Variants in SEMA5A observed in about 807,000 individuals in gnomAD.
SEMA5A encodes the protein semaphorin 5A.
A neutral mutation model predicts 135.5 loss-of-function variants in SEMA5A; 55 were observed. That is an observed-to-expected ratio of 0.41 (90% CI 0.33 to 0.51). The LOEUF is 0.51. SEMA5A is among the 20% of genes least tolerant of loss of function. SEMA5A has a pLI of 0.37. For missense variants in SEMA5A, 1,290 were observed against 1,419.9 expected, an observed-to-expected ratio of 0.91 and a Z score of 1.47; for synonymous variants, 580 against 546.5, an observed-to-expected ratio of 1.06 and a Z score of -0.85.
intron 13 of SEMA5A, among the ~76,000 whole-genome samples, chr5:9,126,166 C>T (rs1010403970): frequency 1.3e-5 from 2 of 152,110 alleles, no homozygotes; most frequent in African/African-American, 4.8e-5. Flanking sequence ...AGTTAAGAAA[C>T]CTTCTAGGGC....
intron 8 of SEMA5A, among the ~76,000 whole-genome samples, chr5:9,222,482 G>A (rs149619151): frequency 2.0e-5 from 3 of 152,244 alleles, no homozygotes; most frequent in African/African-American, 7.2e-5. Flanking sequence ...GAAGGAGTGT[G>A]GGGGAGGGCG....
At chr5:9,263,276 GT>G (rs1206051130) in intron 5 of SEMA5A, among the ~76,000 whole-genome samples, 13 of 152,266 alleles carry the variant, frequency 8.5e-5, no homozygotes, top group Non-Finnish European at 1.8e-4. Context: ...ACTGGTCCTG[GT>G]CCATGGCCTG....
At chr5:9,149,217 A>C (rs1742500172) in intron 12 of SEMA5A, among the ~76,000 whole-genome samples, 1 of 152,210 alleles carries the variant, frequency 6.6e-6, no homozygotes, top group African/African-American at 2.4e-5. Context: ...TCACACTGCA[A>C]GGGAAGAGCT....
rs1443058763 is a variant in SEMA5A, at chr5:9,545,408, C to T, written c.-175+176G>A. On this transcript the variant is annotated intron_variant, in intron 1 of 22. Coordinates refer to ENST00000382496, the MANE Select transcript of SEMA5A (RefSeq NM_003966.3). This position sits in a 1 kb window ranked among gnomAD's most constrained non-coding sequence, Gnocchi z 4.5. The stretch of plus-strand genomic sequence containing the variant: ...GGGCGCCCCCGGACTGACGGTCGTC[C>T]TAATCCTGTACGCGCAACCCCCGCC... Among the ~76,000 whole-genome samples the T allele has an allele frequency of 6.6e-6, 1 of 152,112 alleles. No individual in the cohort carries two copies. Among genetic ancestry groups the T allele is most frequent in the Non-Finnish European group, 1.5e-5 (1 of 68,008 alleles).
At chr5:9,224,414 A>AC (rs397768336) in intron 8 of SEMA5A, among the ~76,000 whole-genome samples, 8 of 151,624 alleles carry the variant, frequency 5.3e-5, no homozygotes, top group Non-Finnish European at 1.0e-4. Flanking sequence ...ATAAAAAAAA[A>AC]CAGCAAGTTT....
intron 2 of SEMA5A, among the ~76,000 whole-genome samples, chr5:9,420,942 G>C (rs570679056): frequency 6.6e-6 from 1 of 152,212 alleles, no homozygotes; most frequent in African/African-American, 2.4e-5. Context: ...CTTGAACCCC[G>C]GAGGGGTAGG....
At chr5:9,479,725 T>C (rs111662508) in intron 1 of SEMA5A, among the ~76,000 whole-genome samples, 5 of 152,196 alleles carry the variant, frequency 3.3e-5, no homozygotes, top group African/African-American at 1.2e-4. Flanking sequence ...GGGAAATCTT[T>C]GCTATTTCCC....
At chr5:9,257,960 C>T (rs1242127296) in intron 5 of SEMA5A, among the ~76,000 whole-genome samples, 1 of 152,106 alleles carries the variant, frequency 6.6e-6, no homozygotes, top group East Asian at 1.9e-4. Flanking sequence ...TTGTTTCCTT[C>T]CTTCGAGGCT....
At chr5:9,238,294 A>T (rs1197087614) in intron 5 of SEMA5A, among the ~76,000 whole-genome samples, 7 of 152,212 alleles carry the variant, frequency 4.6e-5, no homozygotes, top group Non-Finnish European at 5.9e-5. Context: ...TAACATTTTT[A>T]TTTTATTCAA....
chr5:9,115,595 T>C (rs971330461), intron 15 of SEMA5A, among the ~76,000 whole-genome samples: 3 of 152,204 alleles, frequency 2.0e-5, no homozygotes, highest in African/African-American at 7.2e-5. Flanking sequence ...AGACAGCCTC[T>C]TCCACATGTG....
chr5:9,304,601 A>C (rs1751772597), intron 5 of SEMA5A, among the ~76,000 whole-genome samples: 3 of 152,162 alleles, frequency 2.0e-5, no homozygotes, highest in Admixed American at 2.0e-4. Flanking sequence ...TGGTTTATTT[A>C]TGTATTTTTC....
At chr5:9,265,954 T>A (rs1749664054) in intron 5 of SEMA5A, among the ~76,000 whole-genome samples, 1 of 152,174 alleles carries the variant, frequency 6.6e-6, no homozygotes, top group African/African-American at 2.4e-5. Context: ...ATTGCTACAT[T>A]TCAACATTCC....
chr5:9,434,795 C>T (rs756991635), intron 2 of SEMA5A, among the ~76,000 whole-genome samples: 24 of 152,126 alleles, frequency 1.6e-4, no homozygotes, highest in Non-Finnish European at 3.2e-4. Flanking sequence ...ACCTAGGGGC[C>T]AGTGCTCCTT....
At chr5:9,516,197 C>T (rs1172285439) in intron 1 of SEMA5A, among the ~76,000 whole-genome samples, 4 of 152,128 alleles carry the variant, frequency 2.6e-5, no homozygotes, top group African/African-American at 9.7e-5. Flanking sequence ...GACACACTCA[C>T]ATGACATACA....
intron 2 of SEMA5A, among the ~76,000 whole-genome samples, chr5:9,380,723 A>G (rs1755563092): frequency 6.6e-6 from 1 of 152,268 alleles, no homozygotes; most frequent in African/African-American, 2.4e-5. Flanking sequence ...TAAATGATTA[A>G]CAAGCATTAA....
chr5:9,409,768 G>C (rs542990970), intron 2 of SEMA5A, among the ~76,000 whole-genome samples: 2 of 152,150 alleles, frequency 1.3e-5, no homozygotes, highest in African/African-American at 2.4e-5. Context: ...GCATTAGATC[G>C]GGGGGCTGTG....
At chr5:9,046,618 T>C (rs957800706) in intron 21 of SEMA5A, among the ~76,000 whole-genome samples, 5 of 152,176 alleles carry the variant, frequency 3.3e-5, no homozygotes, top group African/African-American at 9.7e-5. Flanking sequence ...AAGCTGAACC[T>C]ACAGTCAGGA....
Position 9,164,124 on chromosome 5 carries a change from T to G in SEMA5A, c.1274-9429A>C, listed in dbSNP as rs1375791273. ...AAATATTTATATAATTATAAATATATCATATAAATATTTATATAATTATAA... is the reference window on the plus strand; with the variant it reads ...AAATATTTATATAATTATAAATATAGCATATAAATATTTATATAATTATAA... On this transcript the variant is annotated intron_variant, in intron 11 of 22. Coordinates refer to ENST00000382496, the MANE Select transcript of SEMA5A (RefSeq NM_003966.3). 6.2e-5 allele frequency among the ~76,000 whole-genome samples: 7 copies of G among 112,512 alleles called. No homozygotes were observed. In the South Asian group the frequency reaches 1.8e-3, roughly 29 times the overall value. The allele number at this position is 112,512 out of a possible 152,430, so 73.8% of individuals were successfully genotyped here.
intron 5 of SEMA5A, among the ~76,000 whole-genome samples, chr5:9,275,387 T>C (rs935099814): frequency 6.6e-6 from 1 of 152,078 alleles, no homozygotes; most frequent in Non-Finnish European, 1.5e-5. Context: ...ACTCCCAGCC[T>C]AATTATACCA....
Sources: gnomAD v4.1 joint callset for allele counts (sites outside exome capture counted in the v4.1 genomes callset) on GRCh38, gnomAD v4.1.1 for gene constraint, Gnocchi (gnomAD v3.1) non-coding constraint, MANE v1.5 for transcripts, NCBI Gene and HGNC (gene_info 2026-07-23, HGNC 2026-07-21) for gene names.